Variants in MYH6 observed in about 807,000 individuals in gnomAD.
The protein encoded by MYH6 is myosin-6.
MYH6 carries 126 observed loss-of-function variants against 223.2 expected under a neutral mutation model. That is an observed-to-expected ratio of 0.56 (90% CI 0.49 to 0.65). MYH6 has a LOEUF of 0.65. MYH6 is among the 30% of genes least tolerant of loss of function. The pLI is 0.00. For missense variants in MYH6, 2,040 were observed against 2,536.4 expected, an observed-to-expected ratio of 0.80 and a Z score of 4.20; for synonymous variants, 978 against 1,010.2, an observed-to-expected ratio of 0.97 and a Z score of 0.61.
chr14:23,389,919 G>T (rs1049803518), intron 26 of MYH6, 138 bp downstream of exon 26: 6 of 1,553,894 alleles, frequency 3.9e-6, no homozygotes, highest in Non-Finnish European at 5.3e-6. Context: ...CCAGAGAGGG[G>T]CAGGGGAGAC....
chr14:23,402,406 G>C lies in MYH6; in HGVS notation c.1141+58C>G, dbSNP rs141917080. The C allele has an allele frequency of 5.8e-4, 929 of 1,606,894 alleles. 1 individual carries two copies. In the African/African-American group the frequency reaches 0.01, roughly 18 times the overall value. On this transcript the variant is annotated intron_variant, in intron 12 of 38. Coordinates refer to ENST00000405093, the MANE Select transcript of MYH6 (RefSeq NM_002471.4). ...TCAGAGTCTCTGGGATCTGAGTCCC[G>C]CAGAGAGCCTGGTCAGCACCTCAGG...
In MYH6 at chr14:23,405,497, TA is replaced by T; in HGVS notation, c.346-119del. 6.3e-7 allele frequency: 1 copy of T among 1,594,778 alleles called. No homozygotes were observed. Among genetic ancestry groups the T allele is most frequent in the South Asian group, 1.1e-5 (1 of 90,348 alleles). On this transcript the variant is annotated intron_variant, in intron 4 of 38. Transcript: ENST00000405093. This position sits in a 1 kb window ranked among gnomAD's most constrained non-coding sequence, Gnocchi z 4.7. Reference sequence around the variant, plus strand: ...TGGCTCTACTCCTCCTGCAGCTGACTAGGGGTGGAGGGGGGAAGGGGACTTG... The same window carrying T: ...TGGCTCTACTCCTCCTGCAGCTGACTGGGGTGGAGGGGGGAAGGGGACTTG...
intron 14 of MYH6, chr14:23,399,843 G>C (rs1429741976): frequency 3.6e-6 from 1 of 278,150 alleles, no homozygotes; most frequent in Non-Finnish European, 7.0e-6. Context: ...TCCCGCCTGC[G>C]GCCTTGTCTC....
At chr14:23,398,659 A>T in intron 15 of MYH6, 69 bp downstream of exon 15, 1 of 1,562,416 alleles carries the variant, frequency 6.4e-7, no homozygotes, top group Non-Finnish European at 8.8e-7. Context: ...ATGTGCTTTG[A>T]AGCAGCAGGA....
At chr14:23,403,676 G>T in intron 9 of MYH6, 39 bp downstream of exon 9, 1 of 1,575,524 alleles carries the variant, frequency 6.3e-7, no homozygotes, top group East Asian at 2.3e-5. Context: ...GAAGGCAGAG[G>T]GGGACCTAGA....
At chr14:23,404,506 A>G in intron 7 of MYH6, 118 bp from the exon 8 acceptor site, 1 of 1,269,834 alleles carries the variant, frequency 7.9e-7, no homozygotes, top group South Asian at 1.2e-5. Flanking sequence ...GTGAACCGCT[A>G]GTGGGTCTGC....
Position 23,388,641 on chromosome 14 carries a change from A to T in MYH6, c.4175+218T>A, listed in dbSNP as rs778469139. 3 of 881,492 alleles carry T rather than the reference A, an allele frequency of 3.4e-6. No individual in the cohort carries two copies. In the Admixed American group the frequency reaches 5.1e-5, roughly 15 times the overall value. 54.6% of individuals were successfully genotyped at this position (881,492 alleles called of 1,614,324 possible). ...CGTCTTATACGTGAGCATCAGGTAT[A>T]ACCCGGGCCAAAAGCTCGCCCGTCA... On this transcript the variant is annotated intron_variant, in intron 29 of 38. Coordinates refer to ENST00000405093, the MANE Select transcript of MYH6 (RefSeq NM_002471.4).
In MYH6 at chr14:23,404,774, C is replaced by T; in HGVS notation, c.579G>A (p.Gln193=). 2 of 1,614,198 alleles carry T rather than the reference C, an allele frequency of 1.2e-6. No individual in the cohort carries two copies. Among genetic ancestry groups the T allele is most frequent in the Admixed American group, 1.7e-5 (1 of 60,028 alleles). ...GKTVNTKRVI[Q]YFASIAAIGD... is the part of the protein sequence containing the mutation. ...CTATGGCTGCAATGCTGGCAAAGTA[C>T]TGGATGACACGCTTGGTGTTCACAG... Residue 193 remains glutamine, a synonymous_variant, in exon 7 of 39, where the codon CAG becomes CAA. Coordinates refer to ENST00000405093, the MANE Select transcript of MYH6 (RefSeq NM_002471.4).
rs202233178 is a variant in MYH6, at chr14:23,388,349, G to A, written c.4176-11C>T. ...TGGGCCAGCTTCTTTCTGCCCAGGT[G>A]AGGGTGGAGGGTGTGTGTGTGACTC... On this transcript the variant is annotated splice_polypyrimidine_tract_variant and intron_variant, in intron 29 of 38. Coordinates refer to ENST00000405093, the MANE Select transcript of MYH6 (RefSeq NM_002471.4). 5.6e-6 allele frequency: 9 copies of A among 1,612,002 alleles called. No individual in the cohort carries two copies. In the East Asian group the frequency reaches 1.8e-4, roughly 32 times the overall value.
At position 23,387,938 on chromosome 14, in the gene MYH6, G is replaced by A. The variant is rs2138587922; in HGVS notation, c.4360-15C>T. 1 of 1,612,898 alleles carries A rather than the reference G, an allele frequency of 6.2e-7. No homozygotes were observed. The highest frequency in any genetic ancestry group is 1.3e-5 in the African/African-American group (1 of 75,000). On this transcript the variant is annotated splice_polypyrimidine_tract_variant and intron_variant, in intron 30 of 38. Coordinates refer to ENST00000405093, the MANE Select transcript of MYH6 (RefSeq NM_002471.4). ...TCGGCCAGGATCTGCCCGGGGACAA[G>A]GCTCACTCTTCAGCCCCCCAGCCTT...
Position 23,405,537 on chromosome 14 carries a change from T to G in MYH6, c.345+90A>C. ...GAAGGGGACTTGGGTCCCTTGGGAG[T>G]CTCTCCCCCTCTTCTTGGGAGAGCC... On this transcript the variant is annotated intron_variant, in intron 4 of 38. Coordinates refer to ENST00000405093, the MANE Select transcript of MYH6 (RefSeq NM_002471.4). The surrounding 1 kb of genome is among the most constrained non-coding windows in gnomAD (Gnocchi z 4.7). 3.1e-6 allele frequency: 5 copies of G among 1,599,752 alleles called. No individual in the cohort carries two copies. Among genetic ancestry groups the G allele is most frequent in the Non-Finnish European group, 4.3e-6 (5 of 1,170,988 alleles).
At chr14:23,406,525 TG>T (rs1337836794) in intron 3 of MYH6, among the ~76,000 whole-genome samples, 1 of 152,182 alleles carries the variant, frequency 6.6e-6, no homozygotes, top group Non-Finnish European at 1.5e-5. Flanking sequence ...GTGATTCTCT[TG>T]GCTGGTGTGA....
rs1891821816 is a variant in MYH6, at chr14:23,407,305, C to G, written c.-13-69G>C. Reference sequence around the variant, plus strand: ...AGGCTCCAGCGAGTGGCTTTGTCCTCTGCAGCCCCCCTCCCTACCCCCGCT... The same window carrying G: ...AGGCTCCAGCGAGTGGCTTTGTCCTGTGCAGCCCCCCTCCCTACCCCCGCT... On this transcript the variant is annotated intron_variant, in intron 2 of 38. Coordinates refer to ENST00000405093, the MANE Select transcript of MYH6 (RefSeq NM_002471.4). This position sits in a 1 kb window ranked among gnomAD's most constrained non-coding sequence, Gnocchi z 5.6. 6.4e-7 allele frequency: 1 copy of G among 1,560,036 alleles called. No homozygotes were observed. The highest frequency in any genetic ancestry group is 8.8e-7 in the Non-Finnish European group (1 of 1,137,798).
chr14:23,406,232 T>A (rs1362932066), intron 3 of MYH6, among the ~76,000 whole-genome samples: 1 of 152,146 alleles, frequency 6.6e-6, no homozygotes, highest in Non-Finnish European at 1.5e-5. Flanking sequence ...ACACTCCCCA[T>A]CCATCACTGT....
In MYH6 at chr14:23,389,600, G is replaced by C; in HGVS notation, c.3852C>G (p.Thr1284=). Residue 1284 remains threonine, a synonymous_variant, in exon 27 of 39, where the codon ACC becomes ACG. Coordinates refer to ENST00000405093, the MANE Select transcript of MYH6 (RefSeq NM_002471.4). The part of the protein sequence containing the change: ...DFTTQRAKLQ[T]ENGELARQLE... ...TTGGTTAGGGGCACCCACCATTCTCGGTCTGCAGCTTGGCTCGCTGGGTGG... is the reference window on the plus strand; with the variant it reads ...TTGGTTAGGGGCACCCACCATTCTCCGTCTGCAGCTTGGCTCGCTGGGTGG... The C allele has an allele frequency of 6.2e-7, 1 of 1,614,214 alleles. No homozygotes were observed. The highest frequency in any genetic ancestry group is 8.5e-7 in the Non-Finnish European group (1 of 1,180,042).
intron 36 of MYH6, 63 bp from the exon 37 acceptor site, chr14:23,383,383 C>A: frequency 4.6e-6 from 6 of 1,292,596 alleles, no homozygotes; most frequent in Non-Finnish European, 5.5e-6. Flanking sequence ...ACCTTTCCCT[C>A]CTCCATCATT....
chr14:23,404,471 C>T, intron 7 of MYH6, 83 bp from the exon 8 acceptor site: 2 of 1,527,568 alleles, frequency 1.3e-6, no homozygotes, highest in Non-Finnish European at 1.8e-6. Context: ...TGCCCTGGCC[C>T]TGAGGAATGG....
At chr14:23,393,261 T>A in intron 23 of MYH6, 81 bp downstream of exon 23, 1 of 1,581,872 alleles carries the variant, frequency 6.3e-7, no homozygotes, top group Admixed American at 1.7e-5. Context: ...AAGTTAATTC[T>A]AGGGATCAGG....
chr14:23,396,453 G>A, intron 19 of MYH6, 33 bp from the exon 20 acceptor site: 1 of 1,611,412 alleles, frequency 6.2e-7, no homozygotes, highest in Non-Finnish European at 8.5e-7. Flanking sequence ...ACAGGCCGCA[G>A]CCTCAGAGGG....
Sources: gnomAD v4.1 joint callset for allele counts (sites outside exome capture counted in the v4.1 genomes callset) on GRCh38, gnomAD v4.1.1 for gene constraint, Gnocchi (gnomAD v3.1) non-coding constraint, MANE v1.5 for transcripts, NCBI Gene and HGNC (gene_info 2026-07-23, HGNC 2026-07-21) for gene names.